The following MITF variants were observed in gnomAD, a reference collection of about 807,000 sequenced individuals.
MITF encodes melanocyte inducing transcription factor.
In MITF, 17 loss-of-function variants were observed where a neutral mutation model predicts 60.5. The observed-to-expected ratio is 0.28, with a 90% CI of 0.19 to 0.42. MITF has a LOEUF of 0.42. MITF is among the 10% of genes least tolerant of loss of function. The probability of loss-of-function intolerance (pLI) is 1.00; values close to 1 mark genes in which losing one functional copy is unlikely to be tolerated. For synonymous variants in MITF, 260 were observed against 248.5 expected (o/e 1.05, Z -0.43); for missense variants, 622 against 683.5 (o/e 0.91, Z 1.00).
intron 1 of MITF, among the ~76,000 whole-genome samples, chr3:69,812,831 T>C (rs924735174): frequency 4.6e-5 from 7 of 152,184 alleles, no homozygotes; most frequent in African/African-American, 1.7e-4. Context: ...AAAATCATTT[T>C]ATTGTCTCCT....
Position 69,965,622 on chromosome 3 carries a change from T to G in MITF, c.*374T>G. ...ACTTCCTTGGAAATCAAATGTAAAG[T>G]TTAATTGAAAGAATGTAAAGCAACC... On this transcript the variant is annotated 3_prime_UTR_variant, in exon 10 of 10. Transcript: ENST00000352241. 1 of 252,334 alleles carries G rather than the reference T, an allele frequency of 4.0e-6. No individual in the cohort carries two copies. The highest frequency in any genetic ancestry group is 1.2e-4 in the South Asian group (1 of 8,420). 15.6% of individuals were successfully genotyped at this position (252,334 alleles called of 1,614,324 possible).
intron 1 of MITF, among the ~76,000 whole-genome samples, chr3:69,748,041 C>T (rs1487358647): frequency 6.6e-6 from 1 of 152,018 alleles, no homozygotes; most frequent in South Asian, 2.1e-4. Flanking sequence ...CCTGTCCACT[C>T]TGTTGTGAAA....
chr3:69,904,373 C>T (rs2065054119), intron 2 of MITF, among the ~76,000 whole-genome samples: 1 of 152,020 alleles, frequency 6.6e-6, no homozygotes, highest in Non-Finnish European at 1.5e-5. Flanking sequence ...GTGAATTTGC[C>T]CATACCAGGT....
intron 2 of MITF, among the ~76,000 whole-genome samples, chr3:69,937,335 C>T (rs1222691683): frequency 6.6e-6 from 1 of 151,098 alleles, no homozygotes; most frequent in Non-Finnish European, 1.5e-5. Flanking sequence ...TTATTTTCTA[C>T]AGCCATTTTA....
intron 6 of MITF, 72 bp downstream of exon 6, chr3:69,949,240 T>C (rs908480212): frequency 6.0e-6 from 7 of 1,167,038 alleles, no homozygotes; most frequent in Non-Finnish European, 9.0e-6. Flanking sequence ...GTTATTGATA[T>C]AGTGATGTGC....
At chr3:69,823,729 A>C (rs2107061571) in intron 1 of MITF, among the ~76,000 whole-genome samples, 1 of 152,286 alleles carries the variant, frequency 6.6e-6, no homozygotes, top group East Asian at 1.9e-4. Context: ...TGTGATCTGC[A>C]CCAAAGTAAG....
intron 2 of MITF, among the ~76,000 whole-genome samples, chr3:69,932,299 G>T (rs570202429): frequency 1.3e-5 from 2 of 152,282 alleles, no homozygotes; most frequent in East Asian, 1.9e-4. Flanking sequence ...AATGGGTGTG[G>T]CTGTGTTCTG....
At chr3:69,882,972 C>T (rs1466251290) in intron 2 of MITF, among the ~76,000 whole-genome samples, 1 of 152,090 alleles carries the variant, frequency 6.6e-6, no homozygotes, top group Non-Finnish European at 1.5e-5. Flanking sequence ...AAGGGAGTTG[C>T]CAAGGATTCC....
chr3:69,928,658 A>G (rs908221056), intron 2 of MITF, among the ~76,000 whole-genome samples: 2 of 152,226 alleles, frequency 1.3e-5, no homozygotes, highest in African/African-American at 2.4e-5. Context: ...TTTATCAACC[A>G]GAAAAGAGAA....
intron 1 of MITF, among the ~76,000 whole-genome samples, chr3:69,811,999 C>G: frequency 6.6e-6 from 1 of 152,190 alleles, no homozygotes; most frequent in East Asian, 1.9e-4. Flanking sequence ...CTTGCTGTTT[C>G]CTTATCATTC....
chr3:69,783,167 G>T (rs1436428932), intron 1 of MITF, among the ~76,000 whole-genome samples: 2 of 152,058 alleles, frequency 1.3e-5, no homozygotes, highest in Admixed American at 1.3e-4. Context: ...GAACAGACAG[G>T]TTCTTTTCCA....
chr3:69,921,168 G>T (rs1236477710), intron 2 of MITF, among the ~76,000 whole-genome samples: 1 of 152,198 alleles, frequency 6.6e-6, no homozygotes, highest in Non-Finnish European at 1.5e-5. Context: ...CACTGCACCC[G>T]GCTGATTTGC....
intron 1 of MITF, among the ~76,000 whole-genome samples, chr3:69,746,520 G>A (rs145323645): frequency 6.6e-6 from 1 of 152,012 alleles, no homozygotes; most frequent in Non-Finnish European, 1.5e-5. Flanking sequence ...TTTTGTGTGT[G>A]TGTATGTTTG....
At chr3:69,938,519 T>A in intron 3 of MITF, 1 of 1,450,224 alleles carries the variant, frequency 6.9e-7, no homozygotes, top group Non-Finnish European at 9.1e-7. Flanking sequence ...GGAATATGCA[T>A]GGATGGATTT....
At chr3:69,814,211 T>G (rs1015155587) in intron 1 of MITF, among the ~76,000 whole-genome samples, 8 of 152,198 alleles carry the variant, frequency 5.3e-5, no homozygotes, top group Non-Finnish European at 1.5e-5. Flanking sequence ...CATATACTTT[T>G]GGCCATCTTC....
chr3:69,870,402 ATGTGTATATATATATGTG>A (rs1303738005), intron 1 of MITF, among the ~76,000 whole-genome samples: 1 of 148,404 alleles, frequency 6.7e-6, no homozygotes, highest in African/African-American at 2.5e-5. Flanking sequence ...GTATAAATAT[ATGTGTATATATATATGTG>A]TGTGTATATA....
At position 69,949,061 on chromosome 3, in the gene MITF, C is replaced by T. The variant is rs142900294; in HGVS notation, c.773C>T (p.Ser258Leu). 4 of 1,613,132 alleles carry T rather than the reference C, an allele frequency of 2.5e-6. No homozygotes were observed. Among genetic ancestry groups the T allele is most frequent in the East Asian group, 2.2e-5 (1 of 44,834 alleles). ...TTTGTCTCTCTCTAGTTGCCTGTCT[C>T]GGGAAACTTGATTGATCTTTATGGA... Reference protein sequence around the residue: ...ALQMANTLPVSGNLIDLYGNQ... With the variant: ...ALQMANTLPVLGNLIDLYGNQ... Residue 258 changes from serine to leucine, a missense_variant, in exon 6 of 10, where the codon TCG becomes TTG. By Grantham distance (145) the Ser-to-Leu change is moderately radical. This residue lies in a region of MITF where 215 missense variants were observed against 224.8 expected (regional missense o/e 0.96). Coordinates refer to ENST00000352241, the MANE Select transcript of MITF (RefSeq NM_001354604.2).
chr3:69,789,668 C>T (rs28811715), intron 1 of MITF, among the ~76,000 whole-genome samples: 2,738 of 152,154 alleles, frequency 0.018, 77 homozygotes, highest in African/African-American at 0.062. Flanking sequence ...CAACCCTGGG[C>T]AGCATGGCAA....
At chr3:69,903,771 C>G (rs568883861) in intron 2 of MITF, among the ~76,000 whole-genome samples, 2 of 152,244 alleles carry the variant, frequency 1.3e-5, no homozygotes, top group African/African-American at 4.8e-5. Context: ...GCTTCTGACT[C>G]TGCGTCAGCA....
Sources: allele counts gnomAD v4.1 joint callset (sites outside exome capture counted in the v4.1 genomes callset), GRCh38; gene constraint gnomAD v4.1.1; regional missense constraint gnomAD v4.1.1; transcripts MANE v1.5; gene names NCBI Gene and HGNC (gene_info 2026-07-23, HGNC 2026-07-21).